The following MMUT variants were observed in gnomAD, a reference collection of about 807,000 sequenced individuals.
MMUT encodes methylmalonyl-CoA mutase, mitochondrial.
In MMUT, 79 loss-of-function variants were observed where a neutral mutation model predicts 79.9. That is an observed-to-expected ratio of 0.99 (90% CI 0.82 to 1.19). MMUT has a LOEUF of 1.19. Among genes scored for constraint, MMUT ranks in the 50% most tolerant of loss-of-function variants. The probability of loss-of-function intolerance (pLI) is 0.00; values close to 1 mark genes in which losing one functional copy is unlikely to be tolerated. For missense variants in MMUT, 860 were observed against 917.2 expected (o/e 0.94, Z 0.81); for synonymous variants, 273 against 295.7 (o/e 0.92, Z 0.79).
At chr6:49,433,607 C>T (rs571785476) in intron 12 of MMUT, among the ~76,000 whole-genome samples, 114 of 152,174 alleles carry the variant, frequency 7.5e-4, no homozygotes, top group East Asian at 3.7e-3. Flanking sequence ...AACTTGGAGG[C>T]GACTGCTGCT....
chr6:49,455,898 G>T (rs1767673707), intron 4 of MMUT, among the ~76,000 whole-genome samples, 182 bp downstream of exon 4: 1 of 152,100 alleles, frequency 6.6e-6, no homozygotes, highest in Admixed American at 6.5e-5. Context: ...AAGAAGTACA[G>T]CCAAATTTAA....
intron 12 of MMUT, among the ~76,000 whole-genome samples, chr6:49,434,355 C>T (rs374795384): frequency 1.3e-5 from 2 of 152,088 alleles, no homozygotes; most frequent in African/African-American, 4.8e-5. Flanking sequence ...CACTTTATTA[C>T]GAATCTCACA....
intron 12 of MMUT, among the ~76,000 whole-genome samples, chr6:49,432,865 G>A (rs1293208616): frequency 6.6e-6 from 1 of 152,118 alleles, no homozygotes; most frequent in African/African-American, 2.4e-5. Flanking sequence ...TGACAGGACA[G>A]TCTGATTTTT....
chr6:49,459,807 CTA>C (rs1767795755), intron 1 of MMUT, among the ~76,000 whole-genome samples: 1 of 152,152 alleles, frequency 6.6e-6, no homozygotes, highest in African/African-American at 2.4e-5. Context: ...GTAAATATGA[CTA>C]TGTCACACTC....
Position 49,448,921 on chromosome 6 carries a change from T to C in MMUT, c.1339A>G (p.Asn447Asp). 6.2e-7 allele frequency: 1 copy of C among 1,605,222 alleles called. No homozygotes were observed. Among genetic ancestry groups the C allele is most frequent in the Non-Finnish European group, 8.5e-7 (1 of 1,172,146 alleles). The change falls in exon 7 of 13, where the codon AAT becomes GAT. Residue 447 changes from asparagine to aspartate, a missense_variant. Physicochemically the swap from Asn to Asp is conservative, Grantham distance 23. Transcript: ENST00000274813. Reference protein sequence around the residue: ...DVYDAALKLINEIEEMGGMAK... With the variant: ...DVYDAALKLIDEIEEMGGMAK... ...ATTCCACCCATTTCTTCAATTTCAT[T>C]AATGAGCTAAAAAGAAAAACATTAA...
chr6:49,444,173 G>A (rs74987455), intron 9 of MMUT, among the ~76,000 whole-genome samples: 13,555 of 152,062 alleles, frequency 0.089, 639 homozygotes, highest in Non-Finnish European at 0.11. Context: ...AGGACTGGGA[G>A]GGGGGTGTGG....
Position 49,456,115 on chromosome 6 carries a change from G to C in MMUT, c.876C>G (p.Leu292=), listed in dbSNP as rs1767679459. The C allele has an allele frequency of 6.2e-7, 1 of 1,613,602 alleles. No homozygotes were observed. Among genetic ancestry groups the C allele is most frequent in the Non-Finnish European group, 8.5e-7 (1 of 1,179,652 alleles). The change falls in exon 4 of 13, where the codon CTC becomes CTG. Residue 292 remains leucine (L), a synonymous_variant. Transcript: ENST00000274813. ...ADGLEYSRTG[L]QAGLTIDEFA... ...ATTCATCAATTGTCAGGCCAGCCTG[G>C]AGTCCAGTTCTAGAGTACTCCAATC... is the stretch of plus-strand genomic sequence containing the variant.
At chr6:49,459,528 A>G in intron 1 of MMUT, 23 bp from the exon 2 acceptor site, 8 of 1,569,316 alleles carry the variant, frequency 5.1e-6, no homozygotes, top group Non-Finnish European at 6.0e-6. Flanking sequence ...ACATAGAGTA[A>G]AAACATTTAG....
chr6:49,456,050 T>A, intron 4 of MMUT, 30 bp downstream of exon 4: 10 of 1,581,234 alleles, frequency 6.3e-6, no homozygotes, highest in Non-Finnish European at 7.0e-6. Context: ...TTCTTAATGT[T>A]GAAACAATAT....
chr6:49,441,639 ATATAT>A (rs1767276581), intron 10 of MMUT, among the ~76,000 whole-genome samples, 196 bp downstream of exon 10: 1 of 148,850 alleles, frequency 6.7e-6, no homozygotes, highest in Non-Finnish European at 1.5e-5. Context: ...ATTTCTAATT[ATATAT>A]TATATGTAAT....
At chr6:49,432,008 G>A in intron 12 of MMUT, 152 bp from the exon 13 acceptor site, 3 of 814,090 alleles carry the variant, frequency 3.7e-6, no homozygotes, top group Middle Eastern at 3.6e-4. Flanking sequence ...TTCCTTGATT[G>A]GGAGTGCTAC....
intron 7 of MMUT, 65 bp from the exon 8 acceptor site, chr6:49,447,850 G>T: frequency 1.1e-6 from 1 of 900,772 alleles, no homozygotes. Flanking sequence ...CTCTGGTTAT[G>T]ATGTATTTTC....
At position 49,431,822 on chromosome 6, in the gene MMUT, T is replaced by A. The variant is rs1170712107; in HGVS notation, c.2159A>T (p.Asn720Ile). Residue 720 changes from asparagine to isoleucine, a missense_variant, in exon 13 of 13, where the codon AAT becomes ATT. Physicochemically the swap from Asn to Ile is moderately radical, Grantham distance 149. Coordinates refer to ENST00000274813, the MANE Select transcript of MMUT (RefSeq NM_000255.4). The part of the protein sequence containing the change: ...YEFLFEVGVS[N>I]VFGPGTRIPK... The stretch of plus-strand genomic sequence containing the variant: ...AATTCGAGTCCCAGGACCAAATACA[T>A]TGGAAACACCAACTTCAAACAGAAA... 6.2e-7 allele frequency: 1 copy of A among 1,613,804 alleles called. No individual in the cohort carries two copies. The highest frequency in any genetic ancestry group is 8.5e-7 in the Non-Finnish European group (1 of 1,179,738).
At chr6:49,462,136 T>C (rs1767865892) in intron 1 of MMUT, among the ~76,000 whole-genome samples, 1 of 152,190 alleles carries the variant, frequency 6.6e-6, no homozygotes, top group Admixed American at 6.5e-5. Context: ...CTACTGCGGA[T>C]GGCAATACGA....
At position 49,436,616 on chromosome 6, in the gene MMUT, A is replaced by AC. The variant is rs1767136990; in HGVS notation, c.1957-994_1957-993insG. 2.0e-5 allele frequency among the ~76,000 whole-genome samples: 3 copies of AC among 152,040 alleles called. No homozygotes were observed. In the South Asian group the frequency reaches 6.2e-4, roughly 32 times the overall value. ...CGAGACTCTGTTTCAAAAAAAAAAA[A>AC]AAAAATACACATTCACATGTATGTT... On this transcript the variant is annotated intron_variant, in intron 11 of 12. Coordinates refer to ENST00000274813, the MANE Select transcript of MMUT (RefSeq NM_000255.4).
At chr6:49,438,068 T>C (rs1396756278) in intron 11 of MMUT, among the ~76,000 whole-genome samples, 1 of 151,382 alleles carries the variant, frequency 6.6e-6, no homozygotes, top group East Asian at 1.9e-4. Context: ...ACGATGTAAT[T>C]ACAAGTAAGT....
At chr6:49,449,162 A>G (rs1048677119) in intron 6 of MMUT, among the ~76,000 whole-genome samples, 2 of 152,086 alleles carry the variant, frequency 1.3e-5, no homozygotes, top group African/African-American at 4.8e-5. Flanking sequence ...AAAACCTCTT[A>G]AGTCTTGGGA....
chr6:49,435,970 G>A (rs553299582), intron 11 of MMUT, among the ~76,000 whole-genome samples: 173 of 152,218 alleles, frequency 1.1e-3, no homozygotes, highest in African/African-American at 3.9e-3. Context: ...CAAAAGACAT[G>A]AACAGACACT....
At chr6:49,436,561 T>C (rs980191532) in intron 11 of MMUT, among the ~76,000 whole-genome samples, 3 of 146,160 alleles carry the variant, frequency 2.1e-5, no homozygotes, top group African/African-American at 5.1e-5. Context: ...GCCAAGATCA[T>C]ACCACTGCAC....
Sources: allele counts gnomAD v4.1 joint callset (sites outside exome capture counted in the v4.1 genomes callset), GRCh38; gene constraint gnomAD v4.1.1; transcripts MANE v1.5; gene names NCBI Gene and HGNC (gene_info 2026-07-23, HGNC 2026-07-21).